The following KIAA1217 variants were observed in gnomAD, a reference collection of about 807,000 sequenced individuals.
KIAA1217 encodes the protein sickle tail protein homolog.
Under a neutral mutation model 163.9 loss-of-function variants are expected in KIAA1217, and 88 were observed. That is an observed-to-expected ratio of 0.54 (90% confidence interval 0.45 to 0.64). The LOEUF (loss-of-function observed/expected upper bound fraction) is 0.64. Among genes scored for constraint, KIAA1217 ranks in the 30% least tolerant of loss-of-function variants. The pLI, the probability that KIAA1217 is intolerant of heterozygous loss-of-function variation, is 0.00. For synonymous variants in KIAA1217, 903 were observed against 923.1 expected (o/e 0.98, Z 0.39); for missense variants, 2,372 against 2,475.0 (o/e 0.96, Z 0.88).
intron 1 of KIAA1217, among the ~76,000 whole-genome samples, chr10:23,887,876 G>T (rs1198413241): frequency 6.6e-6 from 1 of 151,610 alleles, no homozygotes; most frequent in African/African-American, 2.4e-5. Context: ...ATTTCCTTTT[G>T]AAAAACCCAA....
At chr10:24,064,597 ACT>A (rs368001152) in intron 2 of KIAA1217, among the ~76,000 whole-genome samples, 2,746 of 151,056 alleles carry the variant, frequency 0.018, 38 homozygotes, top group South Asian at 0.037. Flanking sequence ...TTGGTCTAAA[ACT>A]CTCTTTTTTT....
chr10:24,506,906 T>C (rs2068440947), intron 9 of KIAA1217, among the ~76,000 whole-genome samples: 1 of 152,214 alleles, frequency 6.6e-6, no homozygotes, highest in Non-Finnish European at 1.5e-5. Context: ...GGGTCTGTTA[T>C]TAAATATTAA....
At chr10:23,922,512 T>G (rs1200716900) in intron 1 of KIAA1217, among the ~76,000 whole-genome samples, 1 of 152,184 alleles carries the variant, frequency 6.6e-6, no homozygotes, top group Non-Finnish European at 1.5e-5. Context: ...GCATCTGAAG[T>G]GGGAACAGTC....
chr10:23,776,551 A>C (rs2130892065), intron 1 of KIAA1217, among the ~76,000 whole-genome samples: 1 of 151,560 alleles, frequency 6.6e-6, no homozygotes, highest in African/African-American at 2.4e-5. Flanking sequence ...AATCTCAATA[A>C]AATAATATAA....
chr10:24,187,186 T>G (rs1046808726), intron 2 of KIAA1217, among the ~76,000 whole-genome samples: 1 of 152,180 alleles, frequency 6.6e-6, no homozygotes, highest in African/African-American at 2.4e-5. Context: ...TGACTCAATT[T>G]TTCCTAACAT....
intron 1 of KIAA1217, among the ~76,000 whole-genome samples, chr10:23,729,632 C>G (rs1016591645): frequency 6.6e-6 from 1 of 152,024 alleles, no homozygotes; most frequent in African/African-American, 2.4e-5. Flanking sequence ...TTTTAATTGG[C>G]TTATTTGCTT....
intron 2 of KIAA1217, among the ~76,000 whole-genome samples, chr10:24,222,754 C>A (rs576430791): frequency 6.6e-6 from 1 of 152,280 alleles, no homozygotes; most frequent in East Asian, 1.9e-4. Flanking sequence ...AGGCGATCCA[C>A]CTACCTCGGC....
chr10:24,542,645 G>A (rs199971436), intron 17 of KIAA1217, 48 bp from the exon 18 acceptor site: 1 of 1,592,976 alleles, frequency 6.3e-7, no homozygotes, highest in Non-Finnish European at 8.6e-7. Context: ...CCACTTTTTT[G>A]GGGGGATGTG....
chr10:24,280,408 T>G (rs1407623045), intron 2 of KIAA1217, among the ~76,000 whole-genome samples: 1 of 152,170 alleles, frequency 6.6e-6, no homozygotes, highest in Non-Finnish European at 1.5e-5. Context: ...AGTGAAAGGG[T>G]GCTATAAAGT....
chr10:24,262,603 G>T (rs2075831972), intron 2 of KIAA1217, among the ~76,000 whole-genome samples: 1 of 151,522 alleles, frequency 6.6e-6, no homozygotes, highest in African/African-American at 2.4e-5. Context: ...CTCCAGCCTG[G>T]GTGACAGCGA....
intron 1 of KIAA1217, among the ~76,000 whole-genome samples, chr10:23,875,662 A>G (rs550747790): frequency 4.6e-5 from 7 of 152,164 alleles, no homozygotes; most frequent in Non-Finnish European, 7.4e-5. Flanking sequence ...TGTTTATTGC[A>G]GCACTATTCA....
At chr10:24,531,575 C>T (rs1040213532) in intron 14 of KIAA1217, among the ~76,000 whole-genome samples, 3 of 152,026 alleles carry the variant, frequency 2.0e-5, no homozygotes, top group African/African-American at 7.3e-5. Flanking sequence ...CCTTATGACA[C>T]CCCAGAGGAA....
In KIAA1217 at chr10:24,161,781, G is replaced by A. The variant is rs147435952; in HGVS notation, c.-170-57845G>A. Among the ~76,000 whole-genome samples the A allele has an allele frequency of 3.7e-3, 569 of 152,276 alleles. 4 individuals are homozygous for A. The highest frequency in any genetic ancestry group is 0.012 in the African/African-American group (486 of 41,554). On this transcript the variant is annotated intron_variant, in intron 2 of 18. Transcript: ENST00000376462. ...TCCACTGTTAAAGCTTTGATTGTCC[G>A]TTATCTTTGAGATTCAATGTTGGGA...
In KIAA1217 at chr10:23,790,452, C is replaced by T. The variant is rs1437467014; in HGVS notation, c.-321+95218C>T. ...ATACATATACATATATACATATATACATGTGCATATATACATATATACATG... is the reference window on the plus strand; with the variant it reads ...ATACATATACATATATACATATATATATGTGCATATATACATATATACATG... On this transcript the variant is annotated intron_variant, in intron 1 of 18. Transcript: ENST00000376462. Among the ~76,000 whole-genome samples, 8 of 99,890 alleles carry T rather than the reference C, an allele frequency of 8.0e-5. 2 individuals are homozygous for T. Among genetic ancestry groups the T allele is most frequent in the African/African-American group, 4.7e-4 (8 of 17,140 alleles). 65.5% of individuals were successfully genotyped at this position (99,890 alleles called of 152,430 possible).
intron 1 of KIAA1217, among the ~76,000 whole-genome samples, chr10:23,943,034 A>G (rs894971603): frequency 2.6e-5 from 4 of 151,860 alleles, no homozygotes; most frequent in Non-Finnish European, 5.9e-5. Flanking sequence ...CTGAGGTGGG[A>G]GAATTGCTTG....
chr10:24,020,955 A>G (rs1847705852), intron 2 of KIAA1217, among the ~76,000 whole-genome samples: 1 of 152,066 alleles, frequency 6.6e-6, no homozygotes, highest in South Asian at 2.1e-4. Flanking sequence ...AAGAAACAGG[A>G]AAGTCTACCT....
At chr10:24,435,063 A>T (rs1564673615) in intron 4 of KIAA1217, among the ~76,000 whole-genome samples, 1 of 152,220 alleles carries the variant, frequency 6.6e-6, no homozygotes, top group Non-Finnish European at 1.5e-5. Flanking sequence ...TACCACTTTT[A>T]AAAAATATGC....
chr10:23,706,392 A>G (rs1836888182), intron 1 of KIAA1217, among the ~76,000 whole-genome samples: 1 of 152,134 alleles, frequency 6.6e-6, no homozygotes, highest in Admixed American at 6.5e-5. Flanking sequence ...ATTAAGTATA[A>G]TGCTAGCTGT....
chr10:24,149,155 T>G (rs1270166905), intron 2 of KIAA1217, among the ~76,000 whole-genome samples: 1 of 152,154 alleles, frequency 6.6e-6, no homozygotes, highest in Non-Finnish European at 1.5e-5. Context: ...AAACAACAAT[T>G]TTTTTCCTCC....
Sources: gnomAD v4.1 joint callset for allele counts (sites outside exome capture counted in the v4.1 genomes callset) on GRCh38, gnomAD v4.1.1 for gene constraint, MANE v1.5 for transcripts, NCBI Gene and HGNC (gene_info 2026-07-23, HGNC 2026-07-21) for gene names.